ZMYM2: variants seen among roughly 807,000 people sequenced by gnomAD.
ZMYM2 encodes the protein zinc finger MYM-type containing 2.
In ZMYM2, 56 loss-of-function variants were observed where a neutral mutation model predicts 162.8. The observed-to-expected ratio is 0.34, with a 90% CI of 0.28 to 0.43. ZMYM2 has a LOEUF of 0.43. Ranked by LOEUF, ZMYM2 falls within the 20% of genes least tolerant of loss-of-function variation. The pLI, the probability that ZMYM2 is intolerant of heterozygous loss-of-function variation, is 1.00. For synonymous variants in ZMYM2, 510 were observed against 541.6 expected (o/e 0.94, Z 0.81); for missense variants, 1,275 against 1,621.8 (o/e 0.79, Z 3.67).
At chr13:20,071,746 A>G (rs1051229385) in intron 21 of ZMYM2, 1 of 172,766 alleles carries the variant, frequency 5.8e-6, no homozygotes. Context: ...ATTGGCCTTA[A>G]GTTCCCTGCC....
chr13:19,950,478 C>T, the ZMYM2 span, among the ~76,000 whole-genome samples: 18 of 152,208 alleles, frequency 1.2e-4, no homozygotes, highest in East Asian at 7.7e-4. Flanking sequence ...GTACTAGTCA[C>T]GGAGTTTTGG....
At chr13:19,972,444 A>G (rs1302134239) in intron 2 of ZMYM2, among the ~76,000 whole-genome samples, 2 of 152,212 alleles carry the variant, frequency 1.3e-5, no homozygotes, top group East Asian at 3.9e-4. Flanking sequence ...AAAAACATGT[A>G]TAGTATAAAT....
chr13:19,903,314 A>G, the ZMYM2 span, among the ~76,000 whole-genome samples: 3 of 151,168 alleles, frequency 2.0e-5, no homozygotes, highest in Admixed American at 2.0e-4. Context: ...AGGTGACAGA[A>G]TGATACCTTG....
chr13:20,076,654 G>GT (rs1223400933), intron 21 of ZMYM2, among the ~76,000 whole-genome samples: 2 of 150,012 alleles, frequency 1.3e-5, no homozygotes, highest in African/African-American at 5.1e-5. Context: ...GGAGGGATGT[G>GT]TTTTTTAAGA....
intron 21 of ZMYM2, among the ~76,000 whole-genome samples, chr13:20,079,582 A>G (rs1322683418): frequency 6.6e-6 from 1 of 152,156 alleles, no homozygotes; most frequent in African/African-American, 2.4e-5. Context: ...GTAAGTTGTG[A>G]CTGCCTATGG....
chr13:19,881,267 C>T, the ZMYM2 span, among the ~76,000 whole-genome samples: 3 of 152,172 alleles, frequency 2.0e-5, no homozygotes, highest in South Asian at 4.2e-4. Flanking sequence ...CTTGAATGCC[C>T]TTTATTACTT....
the ZMYM2 span, among the ~76,000 whole-genome samples, chr13:19,944,453 T>C: frequency 6.6e-6 from 1 of 152,170 alleles, no homozygotes; most frequent in Non-Finnish European, 1.5e-5. Flanking sequence ...CATGTTGATG[T>C]GAACTCAGCT....
chr13:19,980,427 G>C (rs1452311926), intron 2 of ZMYM2, among the ~76,000 whole-genome samples: 1 of 151,828 alleles, frequency 6.6e-6, no homozygotes, highest in East Asian at 1.9e-4. Context: ...TAATATGCCA[G>C]TTTCTTCTGT....
At chr13:19,995,786 CTG>C (rs1949975294) in intron 3 of ZMYM2, among the ~76,000 whole-genome samples, 1 of 152,266 alleles carries the variant, frequency 6.6e-6, no homozygotes, top group African/African-American at 2.4e-5. Flanking sequence ...GATAAGAACT[CTG>C]TGCCAGCCTG....
rs561340197 is a variant in ZMYM2, at chr13:19,975,884, G to GTATGTATA, written c.-11+15865_-11+15866insATATGTAT. On this transcript the variant is annotated intron_variant, in intron 2 of 24. Coordinates refer to ENST00000610343, the MANE Select transcript of ZMYM2 (RefSeq NM_197968.4). ...AAAATGTATGTATGTATGTATGTATGTATGTATGTATGTATGTATGTAGAG... is the reference window on the plus strand; with the variant it reads ...AAAATGTATGTATGTATGTATGTATGTATGTATATATGTATGTATGTATGTATGTAGAG... Among the ~76,000 whole-genome samples the GTATGTATA allele has an allele frequency of 1.1e-3, 171 of 151,812 alleles. 1 individual carries two copies. The Middle Eastern group carries it at 0.017, about 15-fold the overall frequency.
rs1356435048 is a variant in ZMYM2, at chr13:20,088,195, T to C, written c.*2181T>C. ...CTTTGTCTTGATTGCAATCCAACGA[T>C]AGATTAACTTGATTCTCAGGGGGAA... is the stretch of plus-strand genomic sequence containing the variant. On this transcript the variant is annotated 3_prime_UTR_variant, in exon 25 of 25. Transcript: ENST00000610343. 4.9e-6 allele frequency: 1 copy of C among 205,954 alleles called. No homozygotes were observed. Among genetic ancestry groups the C allele is most frequent in the Non-Finnish European group, 9.9e-6 (1 of 100,676 alleles). The allele number at this position is 205,954 out of a possible 1,614,324, so 12.8% of individuals were successfully genotyped here.
chr13:19,883,394 A>T, the ZMYM2 span, among the ~76,000 whole-genome samples: 2 of 152,232 alleles, frequency 1.3e-5, no homozygotes, highest in African/African-American at 4.8e-5. Context: ...GTCTAATTTT[A>T]TGTGAATTTC....
chr13:19,882,094 A>G, the ZMYM2 span, among the ~76,000 whole-genome samples: 8 of 152,194 alleles, frequency 5.3e-5, no homozygotes, highest in African/African-American at 1.9e-4. Context: ...TTCTTAGATG[A>G]AAACACAGAA....
upstream of ZMYM2, among the ~76,000 whole-genome samples, chr13:19,958,119 A>G (rs958318940): frequency 7.9e-5 from 12 of 151,880 alleles, no homozygotes; most frequent in Non-Finnish European, 1.8e-4. Context: ...GCGAGGGTGG[A>G]AGGGCCTCCA....
At chr13:19,972,598 CTG>C (rs1956423646) in intron 2 of ZMYM2, among the ~76,000 whole-genome samples, 1 of 151,874 alleles carries the variant, frequency 6.6e-6, no homozygotes, top group Non-Finnish European at 1.5e-5. Context: ...GATGGACAGT[CTG>C]TTTCCAATTT....
chr13:20,000,758 C>T (rs978944003), intron 3 of ZMYM2, among the ~76,000 whole-genome samples: 1 of 152,214 alleles, frequency 6.6e-6, no homozygotes, highest in African/African-American at 2.4e-5. Context: ...TACCTGCTAC[C>T]ACAATATTCA....
rs756189415 is a variant in ZMYM2, at chr13:20,086,038, G to C, written c.*24G>C. ...AAAAAGGAACGTTGCAGAAGCAATC[G>C]GGATAAAACAGCATTAGATAGTCAT... On this transcript the variant is annotated 3_prime_UTR_variant, in exon 25 of 25. Transcript: ENST00000610343. The C allele has an allele frequency of 6.2e-7, 1 of 1,604,216 alleles. No individual in the cohort carries two copies. Among genetic ancestry groups the C allele is most frequent in the South Asian group, 1.1e-5 (1 of 90,368 alleles).
At chr13:20,085,055 C>T (rs1399914094) in intron 24 of ZMYM2, among the ~76,000 whole-genome samples, 1 of 152,164 alleles carries the variant, frequency 6.6e-6, no homozygotes, top group East Asian at 1.9e-4. Context: ...ATTTCATATA[C>T]ACCTTATACA....
At chr13:20,027,879 G>A (rs1952727805) in intron 9 of ZMYM2, 2 of 164,620 alleles carry the variant, frequency 1.2e-5, no homozygotes, top group East Asian at 1.3e-4. Flanking sequence ...TCTTGGAAGC[G>A]TTCAAACTTA....
Sources: gnomAD v4.1 joint callset for allele counts (sites outside exome capture counted in the v4.1 genomes callset) on GRCh38, gnomAD v4.1.1 for gene constraint, MANE v1.5 for transcripts, NCBI Gene and HGNC (gene_info 2026-07-23, HGNC 2026-07-21) for gene names.